The following TCERG1L variants were observed in gnomAD, a reference collection of about 807,000 sequenced individuals.
TCERG1L encodes transcription elongation regulator 1-like protein.
In TCERG1L, 37 loss-of-function variants were observed where a neutral mutation model predicts 56.3. The ratio of observed to expected loss-of-function variants is 0.66; its 90% confidence interval spans 0.51 to 0.87. The LOEUF (loss-of-function observed/expected upper bound fraction) is 0.87, where lower values mean the gene tolerates loss of function less well. TCERG1L is among the 40% of genes least tolerant of loss of function. TCERG1L has a pLI of 0.00. For synonymous variants in TCERG1L, 324 were observed against 326.3 expected (o/e 0.99, Z 0.08); for missense variants, 799 against 774.2 (o/e 1.03, Z -0.38).
At chr10:131,306,129 C>G (rs1181740183) in intron 3 of TCERG1L, among the ~76,000 whole-genome samples, 1 of 152,136 alleles carries the variant, frequency 6.6e-6, no homozygotes, top group Non-Finnish European at 1.5e-5. Flanking sequence ...ACCACCTTCA[C>G]TTGTCCCCGT....
intron 4 of TCERG1L, among the ~76,000 whole-genome samples, chr10:131,254,050 G>C (rs1345101383): frequency 6.6e-6 from 1 of 152,176 alleles, no homozygotes; most frequent in Non-Finnish European, 1.5e-5. Flanking sequence ...GCTGAGGCCT[G>C]AACAGTGGGG....
intron 3 of TCERG1L, among the ~76,000 whole-genome samples, chr10:131,294,143 AAAAC>A (rs996507439): frequency 1.3e-5 from 2 of 152,180 alleles, no homozygotes; most frequent in African/African-American, 4.8e-5. Context: ...GGGAAGAAAA[AAAAC>A]AAAGGAAACT....
At position 131,218,224 on chromosome 10, in the gene TCERG1L, T is replaced by C. The variant is rs185609667; in HGVS notation, c.856+42035A>G. Among the ~76,000 whole-genome samples the C allele has an allele frequency of 2.0e-5, 3 of 152,284 alleles. No individual in the cohort carries two copies. In the East Asian group the frequency reaches 5.8e-4, roughly 29 times the overall value. ...CATGGCTTCTGTTCATATTTCTACATAGAGTACCGTGAGTGCTGTGTAAGA... is the reference window on the plus strand; with the variant it reads ...CATGGCTTCTGTTCATATTTCTACACAGAGTACCGTGAGTGCTGTGTAAGA... On this transcript the variant is annotated intron_variant, in intron 4 of 11. Transcript: ENST00000368642.
At chr10:131,280,901 T>A (rs945848630) in intron 3 of TCERG1L, among the ~76,000 whole-genome samples, 3 of 152,204 alleles carry the variant, frequency 2.0e-5, no homozygotes, top group African/African-American at 7.2e-5. Flanking sequence ...CTGTCAGGTA[T>A]AAAGTGAAGA....
At chr10:131,140,813 C>T (rs1845729050) in intron 7 of TCERG1L, among the ~76,000 whole-genome samples, 1 of 152,120 alleles carries the variant, frequency 6.6e-6, no homozygotes, top group South Asian at 2.1e-4. Flanking sequence ...TGACTCAGGG[C>T]AGCAGGGTCC....
chr10:131,127,509 AG>A (rs749627192), intron 8 of TCERG1L, among the ~76,000 whole-genome samples: 4 of 152,190 alleles, frequency 2.6e-5, no homozygotes, highest in African/African-American at 4.8e-5. Context: ...GAAGTTCGAA[AG>A]GGCAGGGCCT....
At chr10:131,296,109 T>C (rs1329952761) in intron 3 of TCERG1L, among the ~76,000 whole-genome samples, 1 of 152,232 alleles carries the variant, frequency 6.6e-6, no homozygotes, top group African/African-American at 2.4e-5. Context: ...ACAGCTTTTT[T>C]TAAATTTTGA....
At chr10:131,144,041 T>C (rs945825207) in intron 7 of TCERG1L, among the ~76,000 whole-genome samples, 1 of 151,762 alleles carries the variant, frequency 6.6e-6, no homozygotes, top group South Asian at 2.1e-4. Context: ...CTTCCACGTC[T>C]CCTATCCCCA....
chr10:131,115,837 T>C (rs1322035968), intron 9 of TCERG1L, among the ~76,000 whole-genome samples: 1 of 152,186 alleles, frequency 6.6e-6, no homozygotes, highest in African/African-American at 2.4e-5. Context: ...CAGCCCTAAC[T>C]AACCCTGTGA....
intron 11 of TCERG1L, among the ~76,000 whole-genome samples, chr10:131,097,071 G>A (rs769152469): frequency 1.2e-4 from 18 of 151,332 alleles, no homozygotes; most frequent in Non-Finnish European, 1.8e-4. Context: ...ATGGTAGTGG[G>A]TGCCTGTTAT....
intron 3 of TCERG1L, among the ~76,000 whole-genome samples, chr10:131,294,996 A>AC (rs1173347466): frequency 6.7e-6 from 1 of 149,688 alleles, no homozygotes; most frequent in African/African-American, 2.5e-5. Flanking sequence ...CCCTTGTCCC[A>AC]CCCCCACCTC....
intron 4 of TCERG1L, among the ~76,000 whole-genome samples, chr10:131,216,668 A>G (rs1845672530): frequency 6.6e-6 from 1 of 152,254 alleles, no homozygotes; most frequent in Admixed American, 6.5e-5. Flanking sequence ...TAGCTAAGAA[A>G]ATAGCCTAAG....
At chr10:131,245,466 A>G (rs1214689169) in intron 4 of TCERG1L, among the ~76,000 whole-genome samples, 1 of 152,142 alleles carries the variant, frequency 6.6e-6, no homozygotes, top group Non-Finnish European at 1.5e-5. Context: ...CTAAAAGCCC[A>G]CAGTCACTTC....
intron 6 of TCERG1L, among the ~76,000 whole-genome samples, chr10:131,158,429 TG>T (rs939111930): frequency 6.6e-5 from 10 of 152,234 alleles, no homozygotes; most frequent in Admixed American, 1.3e-4. Context: ...TTATTCAAAA[TG>T]TATTTAATAA....
intron 11 of TCERG1L, chr10:131,095,369 G>A (rs34549334): frequency 0.01 from 1,539 of 152,386 alleles, 87 homozygotes; most frequent in Admixed American, 0.088. Flanking sequence ...GGACTGTCCC[G>A]TCGCCACCAT....
At chr10:131,094,885 T>C (rs1845225374) in intron 11 of TCERG1L, among the ~76,000 whole-genome samples, 1 of 152,212 alleles carries the variant, frequency 6.6e-6, no homozygotes, top group Admixed American at 6.5e-5. Context: ...ACATTCTCAG[T>C]TAGGGGCTGG....
intron 3 of TCERG1L, among the ~76,000 whole-genome samples, chr10:131,284,943 G>A (rs1846504656): frequency 6.6e-6 from 1 of 152,080 alleles, no homozygotes; most frequent in Non-Finnish European, 1.5e-5. Flanking sequence ...TAAGAGGAAA[G>A]TTCTACAAAT....
Position 131,179,621 on chromosome 10 carries a change from T to C in TCERG1L, c.857-12736A>G, listed in dbSNP as rs1019464772. Among the ~76,000 whole-genome samples, 17 of 152,220 alleles carry C rather than the reference T, an allele frequency of 1.1e-4. No individual in the cohort carries two copies. In the East Asian group the frequency reaches 3.3e-3, roughly 30 times the overall value. On this transcript the variant is annotated intron_variant, in intron 4 of 11. Transcript: ENST00000368642. The stretch of plus-strand genomic sequence containing the variant: ...GCCATTCCTACTGACACGACCACCA[T>C]GGAGGGCTGGCGGGGAGGGGCTTCC...
chr10:131,218,339 G>A (rs1187231051), intron 4 of TCERG1L, among the ~76,000 whole-genome samples: 6 of 152,172 alleles, frequency 3.9e-5, no homozygotes, highest in African/African-American at 9.7e-5. Flanking sequence ...CTGTGGAAAC[G>A]CCGCATAATC....
Sources: gnomAD v4.1 joint callset for allele counts (sites outside exome capture counted in the v4.1 genomes callset) on GRCh38, gnomAD v4.1.1 for gene constraint, MANE v1.5 for transcripts, NCBI Gene and HGNC (gene_info 2026-07-23, HGNC 2026-07-21) for gene names.